The following SLC8A1 variants were observed in gnomAD, a reference collection of about 807,000 sequenced individuals.
SLC8A1 encodes solute carrier family 8 member A1.
Under a neutral mutation model 68.3 loss-of-function variants are expected in SLC8A1, and 18 were observed. That is an observed-to-expected ratio of 0.26 (90% CI 0.18 to 0.39). SLC8A1 has a LOEUF of 0.39. SLC8A1 is among the 10% of genes least tolerant of loss of function. The pLI, the probability that SLC8A1 is intolerant of heterozygous loss-of-function variation, is 1.00. For synonymous variants in SLC8A1, 475 were observed against 415.5 expected, an observed-to-expected ratio of 1.14 and a Z score of -1.74; for missense variants, 985 against 1,156.7, an observed-to-expected ratio of 0.85 and a Z score of 2.15.
intron 2 of SLC8A1, among the ~76,000 whole-genome samples, chr2:40,336,901 G>C (rs1001875373): frequency 6.6e-6 from 1 of 152,072 alleles, no homozygotes; most frequent in African/African-American, 2.4e-5. Context: ...TCCTAACCTG[G>C]AAAATGGGGA....
At chr2:40,224,577 G>GA (rs1435309238) in intron 2 of SLC8A1, among the ~76,000 whole-genome samples, 2 of 151,932 alleles carry the variant, frequency 1.3e-5, no homozygotes, top group Non-Finnish European at 2.9e-5. Context: ...CCACGGAAAT[G>GA]AAAAAAATAC....
intron 6 of SLC8A1, among the ~76,000 whole-genome samples, chr2:40,143,441 T>G (rs1054530959): frequency 6.6e-6 from 1 of 152,180 alleles, no homozygotes; most frequent in African/African-American, 2.4e-5. Flanking sequence ...TTCTCTGTGT[T>G]AGAAAAGAAA....
intron 6 of SLC8A1, among the ~76,000 whole-genome samples, chr2:40,147,144 A>G (rs2042620794): frequency 6.6e-6 from 1 of 152,176 alleles, no homozygotes; most frequent in Admixed American, 6.5e-5. Context: ...CGGATTCACT[A>G]AGGAGTTCTA....
At chr2:40,190,774 A>C (rs930786715) in intron 2 of SLC8A1, 3 of 152,172 alleles carry the variant, frequency 2.0e-5, no homozygotes, top group African/African-American at 7.2e-5. Flanking sequence ...AGGTAAAATA[A>C]TAGTCAATAA....
intron 7 of SLC8A1, among the ~76,000 whole-genome samples, chr2:40,122,019 T>C (rs2036944370): frequency 6.6e-6 from 1 of 152,110 alleles, no homozygotes; most frequent in Non-Finnish European, 1.5e-5. Context: ...CTCTTTTTTC[T>C]TTTTTGCCTT....
At chr2:40,126,496 G>C (rs955225850) in intron 7 of SLC8A1, among the ~76,000 whole-genome samples, 2 of 152,082 alleles carry the variant, frequency 1.3e-5, no homozygotes, top group African/African-American at 4.8e-5. Flanking sequence ...GAGGTGGTAG[G>C]GGAGCTCATA....
At chr2:40,192,985 TTAAG>T (rs2052185353) in intron 2 of SLC8A1, among the ~76,000 whole-genome samples, 1 of 152,088 alleles carries the variant, frequency 6.6e-6, no homozygotes, top group Admixed American at 6.6e-5. Context: ...TAGGACAGCA[TTAAG>T]TATGTGTGCA....
chr2:40,200,245 T>TAG (rs1407951178), intron 2 of SLC8A1, among the ~76,000 whole-genome samples: 1 of 16,844 alleles, frequency 5.9e-5, no homozygotes, highest in African/African-American at 1.5e-4. Flanking sequence ...TATAAATATA[T>TAG]ATATATATAT....
intron 1 of SLC8A1, among the ~76,000 whole-genome samples, chr2:40,458,264 G>A (rs1703139081): frequency 6.6e-6 from 1 of 152,150 alleles, no homozygotes; most frequent in Admixed American, 6.5e-5. Context: ...AAACGTTTAA[G>A]TGCCTTTTTG....
intron 7 of SLC8A1, among the ~76,000 whole-genome samples, chr2:40,137,903 G>T (rs2040825357): frequency 6.6e-6 from 1 of 152,088 alleles, no homozygotes; most frequent in African/African-American, 2.4e-5. Flanking sequence ...GCAGTCAGTT[G>T]CATAACACCA....
intron 2 of SLC8A1, among the ~76,000 whole-genome samples, chr2:40,245,523 C>T (rs1471508192): frequency 1.3e-5 from 2 of 152,132 alleles, no homozygotes; most frequent in Admixed American, 1.3e-4. Context: ...AACTTTTGGA[C>T]ACTCTGACTC....
intron 2 of SLC8A1, among the ~76,000 whole-genome samples, chr2:40,415,620 C>G (rs1018687666): frequency 9.9e-5 from 15 of 152,054 alleles, no homozygotes; most frequent in African/African-American, 3.6e-4. Flanking sequence ...GTAAAGCAAA[C>G]AAACGGCAAC....
intron 2 of SLC8A1, among the ~76,000 whole-genome samples, chr2:40,182,322 G>A (rs191776298): frequency 0.021 from 3,122 of 152,144 alleles, 44 homozygotes; most frequent in Non-Finnish European, 0.032. Flanking sequence ...TATAAAGACA[G>A]GAAAACTCAC....
At chr2:40,293,666 C>G (rs1338076166) in intron 2 of SLC8A1, among the ~76,000 whole-genome samples, 1 of 152,104 alleles carries the variant, frequency 6.6e-6, no homozygotes, top group African/African-American at 2.4e-5. Flanking sequence ...GAAAGCAACT[C>G]TATTAAGCTT....
At chr2:40,418,731 C>A (rs1461013908) in intron 2 of SLC8A1, among the ~76,000 whole-genome samples, 1 of 152,138 alleles carries the variant, frequency 6.6e-6, no homozygotes, top group Non-Finnish European at 1.5e-5. Flanking sequence ...TCATTATTGC[C>A]ATGAAAAACG....
At chr2:40,307,198 T>G (rs2072813098) in intron 2 of SLC8A1, among the ~76,000 whole-genome samples, 1 of 147,852 alleles carries the variant, frequency 6.8e-6, no homozygotes, top group African/African-American at 2.5e-5. Flanking sequence ...CACACCAATA[T>G]AACAGAATGT....
intron 2 of SLC8A1, among the ~76,000 whole-genome samples, chr2:40,351,045 T>A (rs1192605958): frequency 6.6e-6 from 1 of 152,180 alleles, no homozygotes; most frequent in Non-Finnish European, 1.5e-5. Flanking sequence ...AAATTATTAT[T>A]CTAAGTAATA....
chr2:40,192,393 C>G (rs11887546), intron 2 of SLC8A1, among the ~76,000 whole-genome samples: 18,143 of 151,958 alleles, frequency 0.12, 1,181 homozygotes, highest in African/African-American at 0.13. Flanking sequence ...TAACTAAAGC[C>G]TTTCAAAATT....
intron 1 of SLC8A1, among the ~76,000 whole-genome samples, chr2:40,507,349 T>C (rs918019865): frequency 6.6e-6 from 1 of 151,968 alleles, no homozygotes; most frequent in Non-Finnish European, 1.5e-5. Flanking sequence ...AAATAATAAT[T>C]TAACTCTGAC....
Sources: gnomAD v4.1 joint callset for allele counts (sites outside exome capture counted in the v4.1 genomes callset) on GRCh38, gnomAD v4.1.1 for gene constraint, MANE v1.5 for transcripts, NCBI Gene and HGNC (gene_info 2026-07-23, HGNC 2026-07-21) for gene names.